Variants in KCND2 observed in about 807,000 individuals in gnomAD.
KCND2 encodes potassium voltage-gated channel subfamily D member 2, also known as A-type voltage-gated potassium channel KCND2.
Under a neutral mutation model 54.4 loss-of-function variants are expected in KCND2, and 16 were observed. That is an observed-to-expected ratio of 0.29 (90% CI 0.20 to 0.45). The LOEUF is 0.45. Among genes scored for constraint, KCND2 ranks in the 20% least tolerant of loss-of-function variants. KCND2 has a pLI of 1.00. For missense variants in KCND2, 486 were observed against 824.2 expected, an observed-to-expected ratio of 0.59 and a Z score of 5.02; for synonymous variants, 317 against 310.7, an observed-to-expected ratio of 1.02 and a Z score of -0.21.
intron 1 of KCND2, among the ~76,000 whole-genome samples, chr7:120,588,631 C>A (rs1198176822): frequency 6.6e-6 from 1 of 152,116 alleles, no homozygotes; most frequent in South Asian, 2.1e-4. Context: ...TTACTCCCAC[C>A]TCCTCCTGAC....
chr7:120,283,348 T>C (rs1367276848), intron 1 of KCND2, among the ~76,000 whole-genome samples: 1 of 152,142 alleles, frequency 6.6e-6, no homozygotes, highest in African/African-American at 2.4e-5. Context: ...ATTAGAGAGT[T>C]GTGAGCATGG....
intron 1 of KCND2, among the ~76,000 whole-genome samples, chr7:120,401,228 T>C (rs776663301): frequency 1.3e-5 from 2 of 152,108 alleles, no homozygotes. Flanking sequence ...ATACAGACCA[T>C]GCAGCTGTAC....
At chr7:120,542,013 T>C (rs949294394) in intron 1 of KCND2, among the ~76,000 whole-genome samples, 12 of 152,204 alleles carry the variant, frequency 7.9e-5, no homozygotes, top group African/African-American at 2.9e-4. Context: ...TTCTACGACC[T>C]ATTTTATTAA....
At chr7:120,528,896 T>C (rs899988337) in intron 1 of KCND2, among the ~76,000 whole-genome samples, 5 of 152,196 alleles carry the variant, frequency 3.3e-5, no homozygotes, top group African/African-American at 1.2e-4. Context: ...ACAATCATGT[T>C]TATAAACCTA....
intron 1 of KCND2, among the ~76,000 whole-genome samples, chr7:120,652,678 G>C (rs1387346040): frequency 1.3e-5 from 2 of 152,134 alleles, no homozygotes; most frequent in East Asian, 3.9e-4. Flanking sequence ...GGGATAAAGG[G>C]AGGCAAACTG....
intron 1 of KCND2, among the ~76,000 whole-genome samples, chr7:120,607,740 G>T (rs1415092196): frequency 6.6e-6 from 1 of 152,064 alleles, no homozygotes; most frequent in Non-Finnish European, 1.5e-5. Context: ...CTGCTTGAAA[G>T]AATAAGTAGG....
At chr7:120,317,760 C>T (rs965299829) in intron 1 of KCND2, among the ~76,000 whole-genome samples, 3 of 152,116 alleles carry the variant, frequency 2.0e-5, no homozygotes, top group Admixed American at 2.0e-4. Context: ...TGCTTCTGTG[C>T]ATGTGTAATT....
At chr7:120,382,074 GT>G (rs1172031519) in intron 1 of KCND2, among the ~76,000 whole-genome samples, 1 of 151,956 alleles carries the variant, frequency 6.6e-6, no homozygotes, top group East Asian at 1.9e-4. Context: ...TTCTTGAGGA[GT>G]TTGAAAAACA....
chr7:120,533,681 A>G (rs541615014), intron 1 of KCND2, among the ~76,000 whole-genome samples: 13 of 152,196 alleles, frequency 8.5e-5, no homozygotes, highest in Non-Finnish European at 1.6e-4. Flanking sequence ...GGATAATTGG[A>G]TCAACCTTGC....
intron 1 of KCND2, among the ~76,000 whole-genome samples, chr7:120,646,729 A>T (rs1279493968): frequency 6.6e-6 from 1 of 152,258 alleles, no homozygotes; most frequent in Admixed American, 6.5e-5. Context: ...TAGTGGGGAA[A>T]ATAATGAAAT....
intron 1 of KCND2, among the ~76,000 whole-genome samples, chr7:120,466,442 T>G (rs1327846099): frequency 6.6e-6 from 1 of 152,148 alleles, no homozygotes; most frequent in East Asian, 1.9e-4. Context: ...GATCAAGAAA[T>G]GAAGCCAAGT....
intron 1 of KCND2, among the ~76,000 whole-genome samples, chr7:120,722,401 C>A (rs1416793873): frequency 6.6e-6 from 1 of 152,136 alleles, no homozygotes. Context: ...AGGAGGGATA[C>A]AACTTGTACT....
chr7:120,576,031 C>T (rs1792427889), intron 1 of KCND2, among the ~76,000 whole-genome samples: 1 of 141,980 alleles, frequency 7.0e-6, no homozygotes, highest in Non-Finnish European at 1.6e-5. Context: ...CAACTCTATG[C>T]CATTGCTGGT....
In KCND2 at chr7:120,748,737, C is replaced by T. The variant is rs1356875802; in HGVS notation, c.*879C>T. The T allele has an allele frequency of 6.6e-6, 1 of 152,032 alleles. No homozygotes were observed. Among genetic ancestry groups the T allele is most frequent in the Non-Finnish European group, 1.5e-5 (1 of 67,840 alleles). 9.4% of individuals were successfully genotyped at this position (152,032 alleles called of 1,614,324 possible). ...CCAGGTTTTAGGTAACTTTTTAATCCAAAACTATTGTGCCATAAATGTTTT... is the reference window on the plus strand; with the variant it reads ...CCAGGTTTTAGGTAACTTTTTAATCTAAAACTATTGTGCCATAAATGTTTT... On this transcript the variant is annotated 3_prime_UTR_variant, in exon 6 of 6. Transcript: ENST00000331113.
intron 1 of KCND2, among the ~76,000 whole-genome samples, chr7:120,632,259 G>A (rs1211895795): frequency 6.6e-6 from 1 of 152,162 alleles, no homozygotes; most frequent in Non-Finnish European, 1.5e-5. Context: ...AATTTCAGCA[G>A]CATATATGCA....
At chr7:120,650,145 G>C (rs994275113) in intron 1 of KCND2, among the ~76,000 whole-genome samples, 1 of 148,972 alleles carries the variant, frequency 6.7e-6, no homozygotes, top group Non-Finnish European at 1.5e-5. Flanking sequence ...TGTATTTCCT[G>C]AATTTGAATG....
At position 120,732,769 on chromosome 7, in the gene KCND2, A is replaced by G. The variant is rs12673992; in HGVS notation, c.1116-134A>G. Reference sequence around the variant, plus strand: ...TTCTGACATTAAAGTCTGAAGCCATATATATTATAGTCACAAAGTAGAAAT... The same window carrying G: ...TTCTGACATTAAAGTCTGAAGCCATGTATATTATAGTCACAAAGTAGAAAT... On this transcript the variant is annotated intron_variant, in intron 1 of 5. Coordinates refer to ENST00000331113, the MANE Select transcript of KCND2 (RefSeq NM_012281.3). 0.31 allele frequency: 204,249 copies of G among 657,464 alleles called. 37,970 individuals carry two copies. Among genetic ancestry groups the G allele is most frequent in the African/African-American group, 0.69 (37,780 of 54,732 alleles). 40.7% of individuals were successfully genotyped at this position (657,464 alleles called of 1,614,324 possible). A position where few individuals can be genotyped will look rare whatever the true frequency, so the allele number is the denominator to read the frequency against.
At chr7:120,585,480 G>A (rs553636149) in intron 1 of KCND2, among the ~76,000 whole-genome samples, 81 of 152,228 alleles carry the variant, frequency 5.3e-4, no homozygotes, top group South Asian at 2.1e-3. Flanking sequence ...ATGAATAGAG[G>A]AAAGAATGCA....
intron 1 of KCND2, among the ~76,000 whole-genome samples, chr7:120,538,342 A>G (rs1434216922): frequency 6.6e-6 from 1 of 152,252 alleles, no homozygotes; most frequent in Non-Finnish European, 1.5e-5. Flanking sequence ...TTACAGTAAC[A>G]GATATGATAA....
Sources: allele counts gnomAD v4.1 joint callset (sites outside exome capture counted in the v4.1 genomes callset), GRCh38; gene constraint gnomAD v4.1.1; transcripts MANE v1.5; gene names NCBI Gene and HGNC (gene_info 2026-07-23, HGNC 2026-07-21).